The following TAF1B variants were observed in gnomAD, a reference collection of about 807,000 sequenced individuals.
The protein encoded by TAF1B is TATA box-binding protein-associated factor RNA polymerase I subunit B.
TAF1B carries 61 observed loss-of-function variants against 83.9 expected under a neutral mutation model. That is an observed-to-expected ratio of 0.73 (90% confidence interval 0.59 to 0.90). The LOEUF (loss-of-function observed/expected upper bound fraction) is 0.90. TAF1B is among the 40% of genes least tolerant of loss of function. The pLI is 0.00. For synonymous variants in TAF1B, 221 were observed against 224.6 expected (o/e 0.98, Z 0.14); for missense variants, 625 against 677.0 (o/e 0.92, Z 0.85).
At chr2:9,881,823 A>T (rs994355562) in intron 7 of TAF1B, among the ~76,000 whole-genome samples, 1 of 152,200 alleles carries the variant, frequency 6.6e-6, no homozygotes, top group Non-Finnish European at 1.5e-5. Context: ...TATTTGATCC[A>T]CTGTGTACCA....
At chr2:9,865,830 A>C (rs113817723) in intron 5 of TAF1B, among the ~76,000 whole-genome samples, 2 of 147,174 alleles carry the variant, frequency 1.4e-5, no homozygotes, top group South Asian at 4.4e-4. Context: ...AAACAAGCAA[A>C]GGGGAAAGGA....
chr2:9,859,083 C>G (rs934684829), intron 5 of TAF1B, among the ~76,000 whole-genome samples: 6 of 152,220 alleles, frequency 3.9e-5, no homozygotes, highest in Non-Finnish European at 8.8e-5. Context: ...CTTCTATGCT[C>G]TGCTTCCCTT....
chr2:9,851,426 T>TAA, intron 3 of TAF1B, 115 bp from the exon 4 acceptor site: 9 of 664,650 alleles, frequency 1.4e-5, no homozygotes, highest in Non-Finnish European at 1.6e-5. Flanking sequence ...CTGGGTTAAT[T>TAA]GAAAAAAAAA....
At chr2:9,925,601 A>G (rs1227515084) in intron 14 of TAF1B, among the ~76,000 whole-genome samples, 1 of 122,622 alleles carries the variant, frequency 8.2e-6, no homozygotes, top group Middle Eastern at 4.5e-3. Flanking sequence ...TTTTTTTTTG[A>G]GACAGAAGCT....
chr2:9,909,864 T>C (rs901493412), intron 9 of TAF1B, among the ~76,000 whole-genome samples: 2 of 152,198 alleles, frequency 1.3e-5, no homozygotes, highest in African/African-American at 4.8e-5. Context: ...GAGCAGGGAC[T>C]CTAGTCCAGG....
At chr2:9,867,400 CCTT>C (rs895278101) in intron 5 of TAF1B, among the ~76,000 whole-genome samples, 4 of 152,224 alleles carry the variant, frequency 2.6e-5, no homozygotes, top group African/African-American at 4.8e-5. Flanking sequence ...GGTGTAGCCT[CCTT>C]CTCACAGGGC....
chr2:9,847,741 G>T (rs1028839152), intron 2 of TAF1B, among the ~76,000 whole-genome samples: 2 of 152,186 alleles, frequency 1.3e-5, no homozygotes, highest in Non-Finnish European at 2.9e-5. Context: ...GGCTAGACTT[G>T]TGTGAATGTA....
intron 7 of TAF1B, among the ~76,000 whole-genome samples, chr2:9,882,122 T>C (rs992317164): frequency 3.3e-5 from 5 of 152,042 alleles, no homozygotes; most frequent in Admixed American, 1.3e-4. Flanking sequence ...TTTTTTTTTT[T>C]TGAGACTGAG....
chr2:9,897,289 A>C (rs544583958), intron 8 of TAF1B, among the ~76,000 whole-genome samples: 27 of 152,258 alleles, frequency 1.8e-4, no homozygotes, highest in Admixed American at 3.3e-4. Context: ...CTATCTTTTC[A>C]GCCTTGATTT....
At chr2:9,908,642 G>A (rs1301146537) in intron 9 of TAF1B, among the ~76,000 whole-genome samples, 1 of 152,150 alleles carries the variant, frequency 6.6e-6, no homozygotes, top group Non-Finnish European at 1.5e-5. Context: ...GTTGAATTGA[G>A]CTTAATTCTC....
At chr2:9,882,368 G>A (rs552306839) in intron 7 of TAF1B, among the ~76,000 whole-genome samples, 2 of 152,250 alleles carry the variant, frequency 1.3e-5, no homozygotes, top group Admixed American at 6.5e-5. Context: ...AAAGTGCTGG[G>A]ATTACAGTTC....
intron 12 of TAF1B, 89 bp downstream of exon 12, chr2:9,913,338 C>A: frequency 2.0e-6 from 2 of 1,023,578 alleles, no homozygotes; most frequent in Non-Finnish European, 2.9e-6. Context: ...TCAGTATACA[C>A]TTATCTACAT....
At chr2:9,869,291 C>A (rs776182631) in intron 6 of TAF1B, among the ~76,000 whole-genome samples, 3 of 151,978 alleles carry the variant, frequency 2.0e-5, no homozygotes, top group Non-Finnish European at 4.4e-5. Context: ...GTGGTGCAAT[C>A]TCGGCTCACT....
chr2:9,926,088 G>A (rs1666024918), intron 14 of TAF1B, among the ~76,000 whole-genome samples: 1 of 151,960 alleles, frequency 6.6e-6, no homozygotes, highest in Non-Finnish European at 1.5e-5. Context: ...ACTGTGACAT[G>A]GCAAGACTTG....
intron 8 of TAF1B, among the ~76,000 whole-genome samples, chr2:9,904,186 T>C (rs1301947513): frequency 6.6e-6 from 1 of 152,102 alleles, no homozygotes; most frequent in Non-Finnish European, 1.5e-5. Flanking sequence ...AAATTGAGTG[T>C]GGTGGGGGTT....
rs550741954 is a variant in TAF1B, at chr2:9,862,055, C to T, written c.400-6221C>T. 6.0e-4 allele frequency among the ~76,000 whole-genome samples: 92 copies of T among 152,198 alleles called. 1 individual carries two copies. The highest frequency in any genetic ancestry group is 1.8e-3 in the African/African-American group (76 of 41,526). On this transcript the variant is annotated intron_variant, in intron 5 of 14. Transcript: ENST00000263663. ...TCAGAACGCCTCTCCTCCAAAGGAA[C>T]GCAGCTCTTCACCAGCAACAGAACA...
At chr2:9,867,896 A>G (rs1175254371) in intron 5 of TAF1B, among the ~76,000 whole-genome samples, 1 of 152,220 alleles carries the variant, frequency 6.6e-6, no homozygotes, top group Non-Finnish European at 1.5e-5. Context: ...GAGAACCAGA[A>G]TTAACAAAGA....
chr2:9,861,477 G>T (rs1663756989), intron 5 of TAF1B, among the ~76,000 whole-genome samples: 1 of 152,258 alleles, frequency 6.6e-6, no homozygotes. Flanking sequence ...ACCCACCACA[G>T]CTCAAGGAGG....
intron 9 of TAF1B, among the ~76,000 whole-genome samples, chr2:9,908,429 T>C (rs192514725): frequency 2.6e-4 from 39 of 152,336 alleles, no homozygotes; most frequent in Non-Finnish European, 1.5e-5. Flanking sequence ...TTTTGATTTT[T>C]AAATTATCTG....
Sources: allele counts gnomAD v4.1 joint callset (sites outside exome capture counted in the v4.1 genomes callset), GRCh38; gene constraint gnomAD v4.1.1; transcripts MANE v1.5; gene names NCBI Gene and HGNC (gene_info 2026-07-23, HGNC 2026-07-21).